The following GALNT17 variants were observed in gnomAD, a reference collection of about 807,000 sequenced individuals.
GALNT17 encodes polypeptide N-acetylgalactosaminyltransferase 17, also known as UDP-GalNAc:polypeptide N-acetylgalactosaminyltransferase-like 3.
In GALNT17, 29 loss-of-function variants were observed where a neutral mutation model predicts 63.7. The ratio of observed to expected loss-of-function variants is 0.46; its 90% confidence interval spans 0.34 to 0.62. The LOEUF is 0.62. Ranked by LOEUF, GALNT17 falls within the 20% of genes least tolerant of loss-of-function variation. The pLI is 0.01. For synonymous variants in GALNT17, 305 were observed against 318.3 expected, an observed-to-expected ratio of 0.96 and a Z score of 0.45; for missense variants, 603 against 799.6, an observed-to-expected ratio of 0.75 and a Z score of 2.97.
Position 71,534,091 on chromosome 7 carries a change from G to A in GALNT17, c.963-37194G>A, listed in dbSNP as rs1788762544. The stretch of plus-strand genomic sequence containing the variant: ...AGAAAGAAACTCAGATAAAACAAAT[G>A]TAAGGTGTTCGTCTGTTCTCATGCT... On this transcript the variant is annotated intron_variant, in intron 5 of 10. Transcript: ENST00000333538. Among the ~76,000 whole-genome samples, 3 of 152,164 alleles carry A rather than the reference G, an allele frequency of 2.0e-5. No individual in the cohort carries two copies. In the South Asian group the frequency reaches 6.2e-4, roughly 32 times the overall value.
At chr7:71,142,504 C>T (rs962176736) in intron 1 of GALNT17, among the ~76,000 whole-genome samples, 1 of 152,218 alleles carries the variant, frequency 6.6e-6, no homozygotes, top group Non-Finnish European at 1.5e-5. Flanking sequence ...TCATTCATAT[C>T]CGTTAGTGAG....
intron 6 of GALNT17, among the ~76,000 whole-genome samples, chr7:71,591,719 G>T (rs1789804703): frequency 6.6e-6 from 1 of 152,052 alleles, no homozygotes; most frequent in Non-Finnish European, 1.5e-5. Flanking sequence ...CTGGAGTGCA[G>T]TGGCGTGATC....
At chr7:71,237,393 G>A (rs867301912) in intron 1 of GALNT17, among the ~76,000 whole-genome samples, 32 of 151,652 alleles carry the variant, frequency 2.1e-4, no homozygotes, top group African/African-American at 7.7e-4. Flanking sequence ...ATAAGGGCCA[G>A]CCCTGGGTAG....
intron 6 of GALNT17, among the ~76,000 whole-genome samples, chr7:71,647,592 G>T (rs374841286): frequency 6.6e-6 from 1 of 152,210 alleles, no homozygotes; most frequent in Non-Finnish European, 1.5e-5. Context: ...GGAAGCCCAT[G>T]GCTCTGTTTT....
chr7:71,655,969 C>A (rs1790822405), intron 6 of GALNT17, among the ~76,000 whole-genome samples: 1 of 152,262 alleles, frequency 6.6e-6, no homozygotes, highest in East Asian at 1.9e-4. Flanking sequence ...CTTTTCCTTT[C>A]TTTAATTTGT....
intron 1 of GALNT17, among the ~76,000 whole-genome samples, chr7:71,263,364 A>G (rs551460297): frequency 3.3e-4 from 50 of 152,060 alleles, no homozygotes; most frequent in African/African-American, 1.2e-3. Flanking sequence ...AAAAAACAAA[A>G]CAAAACAAAA....
At chr7:71,211,194 G>A (rs6978528) in intron 1 of GALNT17, among the ~76,000 whole-genome samples, 1 of 151,974 alleles carries the variant, frequency 6.6e-6, no homozygotes, top group African/African-American at 2.4e-5. Flanking sequence ...ATTTCCACGT[G>A]TTGTGGGAGG....
chr7:71,426,628 G>A (rs182146180), intron 5 of GALNT17, among the ~76,000 whole-genome samples: 64 of 152,210 alleles, frequency 4.2e-4, no homozygotes, highest in African/African-American at 5.8e-4. Context: ...CACATCTCAC[G>A]GCAAAGCAGG....
intron 1 of GALNT17, among the ~76,000 whole-genome samples, chr7:71,202,581 A>G (rs1285672830): frequency 1.3e-5 from 2 of 152,214 alleles, no homozygotes; most frequent in African/African-American, 2.4e-5. Context: ...TATATACATG[A>G]TGGAACAATT....
At chr7:71,179,214 CT>C (rs61257933) in intron 1 of GALNT17, among the ~76,000 whole-genome samples, 9,353 of 152,228 alleles carry the variant, frequency 0.061, 429 homozygotes, top group African/African-American at 0.13. Context: ...ATCTGATCGC[CT>C]CCTTTGGAAA....
intron 5 of GALNT17, among the ~76,000 whole-genome samples, chr7:71,547,446 G>T (rs983852047): frequency 6.6e-6 from 1 of 151,930 alleles, no homozygotes. Flanking sequence ...GAGCCACTGC[G>T]CCCGGCCCAG....
At chr7:71,622,267 T>C (rs942924327) in intron 6 of GALNT17, among the ~76,000 whole-genome samples, 17 of 152,232 alleles carry the variant, frequency 1.1e-4, no homozygotes, top group Non-Finnish European at 1.6e-4. Flanking sequence ...GAGTGCCCCA[T>C]TGTATCAATC....
At chr7:71,467,953 G>A (rs1361940395) in intron 5 of GALNT17, among the ~76,000 whole-genome samples, 1 of 151,914 alleles carries the variant, frequency 6.6e-6, no homozygotes, top group Non-Finnish European at 1.5e-5. Flanking sequence ...ACACCAGCCA[G>A]GCCTTGCACC....
chr7:71,626,623 C>G (rs1438631260), intron 6 of GALNT17, among the ~76,000 whole-genome samples: 2 of 152,218 alleles, frequency 1.3e-5, no homozygotes, highest in Admixed American at 1.3e-4. Context: ...TGGAAGAATA[C>G]ACCATCTGGA....
intron 3 of GALNT17, among the ~76,000 whole-genome samples, chr7:71,396,343 T>C (rs73360191): frequency 0.12 from 18,408 of 152,190 alleles, 2,507 homozygotes; most frequent in African/African-American, 0.34. Context: ...TTTACATATA[T>C]AGTTATCCCA....
At chr7:71,368,874 A>G (rs1479489007) in intron 2 of GALNT17, among the ~76,000 whole-genome samples, 1 of 142,458 alleles carries the variant, frequency 7.0e-6, no homozygotes, top group Non-Finnish European at 1.5e-5. Context: ...GCCCTCCATC[A>G]GTGATAAGCA....
intron 1 of GALNT17, among the ~76,000 whole-genome samples, chr7:71,335,039 C>T (rs546974803): frequency 1.3e-5 from 2 of 152,280 alleles, no homozygotes; most frequent in African/African-American, 4.8e-5. Flanking sequence ...TGTCCTCTTT[C>T]GTCCTCATTT....
intron 5 of GALNT17, among the ~76,000 whole-genome samples, chr7:71,441,887 G>C (rs749496798): frequency 3.3e-5 from 5 of 152,150 alleles, no homozygotes; most frequent in Non-Finnish European, 4.4e-5. Context: ...TATCATTGAT[G>C]GGCATTTGGG....
rs568420825 is a variant in GALNT17 at position 71,637,254 on chromosome 7, C to G, written c.1081-28157C>G. 1.5e-3 allele frequency among the ~76,000 whole-genome samples: 224 copies of G among 152,238 alleles called. 1 individual carries two copies. The highest frequency in any genetic ancestry group is 5.0e-3 in the African/African-American group (208 of 41,552). The stretch of plus-strand genomic sequence containing the variant: ...AGGCTGGAGTGCAGTGACGCGATCT[C>G]GGCTCACTGCAACCTCCATCTCCCA... On this transcript the variant is annotated intron_variant, in intron 6 of 10. Coordinates refer to ENST00000333538, the MANE Select transcript of GALNT17 (RefSeq NM_022479.3).
Sources: allele counts gnomAD v4.1 joint callset (sites outside exome capture counted in the v4.1 genomes callset), GRCh38; gene constraint gnomAD v4.1.1; transcripts MANE v1.5; gene names NCBI Gene and HGNC (gene_info 2026-07-23, HGNC 2026-07-21).